ZNF208: variants seen among roughly 807,000 people sequenced by gnomAD.
The protein encoded by ZNF208 is zinc finger protein 208.
ZNF208 carries 10 observed loss-of-function variants against 12.1 expected under a neutral mutation model. The observed-to-expected ratio is 0.83, with a 90% CI of 0.51 to 1.40. The LOEUF is 1.40. ZNF208 is among the 40% of genes most tolerant of loss of function. The pLI is 0.00. For missense variants in ZNF208, 1,652 were observed against 1,485.0 expected (o/e 1.11, Z -1.85); for synonymous variants, 497 against 488.4 (o/e 1.02, Z -0.23).
In ZNF208 at chr19:21,975,823, CAAAAAAAAAAAA is replaced by C. The variant is rs532995268; in HGVS notation, c.227-1028_227-1017del. On this transcript the variant is annotated intron_variant, in intron 3 of 3. Transcript: ENST00000397126. ...AAAACTGTGTGATATAGTCAAAGTC[CAAAAAAAAAAAA>C]AAAAAAAAAAAAAAAAGCTATCAAG... Among the ~76,000 whole-genome samples the C allele has an allele frequency of 2.2e-3, 57 of 26,430 alleles. No homozygotes were observed. The Admixed American group carries it at 0.038, about 18-fold the overall frequency. The allele number at this position is 26,430 out of a possible 152,430, so 17.3% of individuals were successfully genotyped here.
rs765746439 is a variant in ZNF208 at position 21,970,404 on chromosome 19, T to C, written c.*787A>G. On this transcript the variant is annotated 3_prime_UTR_variant, in exon 4 of 4. Coordinates refer to ENST00000397126, the MANE Select transcript of ZNF208 (RefSeq NM_007153.3). ...TGAATGTTTAGTAAGGATTGAGGAA[T>C]AGCTAAAAGGCTTGCCACATTCTTC... Among the ~76,000 whole-genome samples, 10 of 152,282 alleles carry C rather than the reference T, an allele frequency of 6.6e-5. No homozygotes were observed. The highest frequency in any genetic ancestry group is 1.3e-4 in the Admixed American group (2 of 15,286).
At chr19:21,988,404 A>G (rs376208081) in intron 2 of ZNF208, among the ~76,000 whole-genome samples, 1 of 152,144 alleles carries the variant, frequency 6.6e-6, no homozygotes, top group African/African-American at 2.4e-5. Context: ...AATGTGGGCA[A>G]ACTTGCTTCT....
chr19:21,993,688 A>C (rs572904538), intron 1 of ZNF208, among the ~76,000 whole-genome samples: 123 of 152,318 alleles, frequency 8.1e-4, no homozygotes, highest in African/African-American at 2.9e-3. Flanking sequence ...GCTTATTATT[A>C]GCATTAGTCA....
chr19:21,972,246 A>G lies in ZNF208; in HGVS notation c.2788T>C (p.Ser930Pro), dbSNP rs773786937. The change falls in exon 4 of 4, where the codon TCA (serine) becomes CCA (proline). Residue 930 changes from serine (S) to proline (P), a missense_variant. Ser to Pro is a moderately conservative substitution (Grantham distance 74, BLOSUM62 -1). This residue lies in a region of ZNF208 where 1,239 missense variants were observed against 1,086.2 expected (regional missense o/e 1.14). Coordinates refer to ENST00000397126, the MANE Select transcript of ZNF208 (RefSeq NM_007153.3). Reference sequence around the variant, plus strand: ...GTTTTCTTATGTTTACTAAAGACTGACAACCAGCTGAAGGCTTTGCCACAT... The same window carrying G: ...GTTTTCTTATGTTTACTAAAGACTGGCAACCAGCTGAAGGCTTTGCCACAT... ...EECGKAFSWLSVFSKHKKTHA... is the reference protein window; with the variant it reads ...EECGKAFSWLPVFSKHKKTHA... 1.2e-6 allele frequency: 2 copies of G among 1,613,600 alleles called. No individual in the cohort carries two copies. Among genetic ancestry groups the G allele is most frequent in the Admixed American group, 3.3e-5 (2 of 59,862 alleles).
At chr19:21,965,070 G>A (rs933006447), downstream of ZNF208, among the ~76,000 whole-genome samples, 9 of 151,860 alleles carry the variant, frequency 5.9e-5, no homozygotes, top group African/African-American at 1.9e-4. Flanking sequence ...ACACTTAGAA[G>A]ATAAATAACT....
intron 2 of ZNF208, 35 bp from the exon 3 acceptor site, chr19:21,987,346 TCATATTCTC>T (rs779897369): frequency 6.3e-7 from 1 of 1,579,552 alleles, no homozygotes; most frequent in Admixed American, 1.8e-5. Context: ...TGCTTCTTGC[TCATATTCTC>T]CAATTACCAA....
intron 4 of ZNF208, among the ~76,000 whole-genome samples, chr19:21,948,902 A>C (rs565914005): frequency 2.0e-4 from 31 of 152,254 alleles, no homozygotes; most frequent in African/African-American, 7.2e-4. Flanking sequence ...AAAAACAATG[A>C]CCCTTAAATA....
At chr19:21,955,086 T>TA (rs1358888959) in intron 4 of ZNF208, among the ~76,000 whole-genome samples, 6 of 152,234 alleles carry the variant, frequency 3.9e-5, no homozygotes, top group African/African-American at 1.4e-4. Flanking sequence ...CTCCTTCACT[T>TA]ATGAAGCTTA....
At chr19:21,941,767 G>T (rs1229227061) in intron 4 of ZNF208, among the ~76,000 whole-genome samples, 2 of 152,072 alleles carry the variant, frequency 1.3e-5, no homozygotes, top group Non-Finnish European at 2.9e-5. Flanking sequence ...GATTTGAAAA[G>T]TTCAAAGTTT....
chr19:21,992,469 A>C (rs552926670), intron 1 of ZNF208, among the ~76,000 whole-genome samples: 3 of 152,350 alleles, frequency 2.0e-5, no homozygotes, highest in African/African-American at 7.2e-5. Flanking sequence ...ATCTCCTAAC[A>C]ATTTTTAAAG....
At chr19:21,949,262 C>T (rs1057099339) in intron 4 of ZNF208, among the ~76,000 whole-genome samples, 4 of 152,072 alleles carry the variant, frequency 2.6e-5, no homozygotes, top group African/African-American at 7.2e-5. Context: ...TTCTCTGTGC[C>T]CCAACTGAAG....
chr19:21,957,897 CAT>C (rs1261478327), intron 4 of ZNF208, among the ~76,000 whole-genome samples: 2 of 151,566 alleles, frequency 1.3e-5, no homozygotes, highest in Non-Finnish European at 2.9e-5. Context: ...AGGTTAGTTA[CAT>C]ATGTATACAT....
intron 3 of ZNF208, chr19:21,986,773 CA>C (rs1970634797): frequency 2.9e-6 from 1 of 346,438 alleles, no homozygotes; most frequent in South Asian, 1.5e-4. Context: ...GTAATAAAAA[CA>C]GGATGAAATG....
rs1455132138 is a variant in ZNF208, at chr19:21,967,898, C to T, written c.*3293G>A. The T allele has an allele frequency of 3.3e-5, 5 of 152,046 alleles. No homozygotes were observed. The highest frequency in any genetic ancestry group is 7.4e-5 in the Non-Finnish European group (5 of 67,980). 9.4% of individuals were successfully genotyped at this position (152,046 alleles called of 1,614,324 possible). On this transcript the variant is annotated 3_prime_UTR_variant, in exon 4 of 4. Coordinates refer to ENST00000397126, the MANE Select transcript of ZNF208 (RefSeq NM_007153.3). The stretch of plus-strand genomic sequence containing the variant: ...TGAGCAATATTTTTCCATTTATTTG[C>T]ATTGTCTCTCGTTTCTTTCAGCAAT...
intron 1 of ZNF208, among the ~76,000 whole-genome samples, chr19:21,995,222 G>A (rs936365709): frequency 8.5e-5 from 13 of 152,096 alleles, no homozygotes; most frequent in Non-Finnish European, 7.4e-5. Context: ...AAAGTGCTGG[G>A]ATTACAGGTA....
intron 1 of ZNF208, among the ~76,000 whole-genome samples, chr19:21,989,275 C>A (rs1260718916): frequency 8.1e-6 from 1 of 124,098 alleles, no homozygotes; most frequent in Non-Finnish European, 1.6e-5. Flanking sequence ...CTGTGATGTT[C>A]CCCTTCCGGT....
At chr19:22,004,974 A>G (rs1971020282) in intron 1 of ZNF208, among the ~76,000 whole-genome samples, 1 of 152,152 alleles carries the variant, frequency 6.6e-6, no homozygotes, top group Non-Finnish European at 1.5e-5. Flanking sequence ...AGGTGGAAGG[A>G]CTGGTTTGTC....
intron 3 of ZNF208, among the ~76,000 whole-genome samples, chr19:21,976,199 T>C (rs1197206453): frequency 3.3e-5 from 5 of 152,160 alleles, no homozygotes. Context: ...ACGACATAAA[T>C]CAATAAACTT....
Position 21,973,983 on chromosome 19 carries a change from T to A in ZNF208, c.1051A>T (p.Ser351Cys). Residue 351 changes from serine (S) to cysteine (C), a missense_variant, in exon 4 of 4, where the codon AGT becomes TGT. Transcript: ENST00000397126. ...TGTTTAGTAAGGATTGAGAACTTAC[T>A]AAAGGCTTTGCCACATTCTTTACAT... ...YKCKECGKAF[S>C]KFSILTKHKV... The A allele has an allele frequency of 6.2e-7, 1 of 1,613,102 alleles. No individual in the cohort carries two copies. The highest frequency in any genetic ancestry group is 1.3e-5 in the African/African-American group (1 of 74,966).
Sources: gnomAD v4.1 joint callset for allele counts (sites outside exome capture counted in the v4.1 genomes callset) on GRCh38, gnomAD v4.1.1 for gene constraint, gnomAD v4.1.1 regional missense constraint, MANE v1.5 for transcripts, NCBI Gene and HGNC (gene_info 2026-07-23, HGNC 2026-07-21) for gene names.